Variants in NBAS observed in about 807,000 individuals in gnomAD.
NBAS encodes the protein NBAS subunit of NRZ tethering complex.
NBAS carries 219 observed loss-of-function variants against 302.5 expected under a neutral mutation model. That is an observed-to-expected ratio of 0.72 (90% CI 0.65 to 0.81). NBAS has a LOEUF of 0.81. NBAS is among the 30% of genes least tolerant of loss of function. The pLI, the probability that NBAS is intolerant of heterozygous loss-of-function variation, is 0.00. For synonymous variants in NBAS, 1,118 were observed against 1,021.6 expected, an observed-to-expected ratio of 1.09 and a Z score of -1.80; for missense variants, 2,932 against 2,841.6, an observed-to-expected ratio of 1.03 and a Z score of -0.72.
chr2:15,258,025 AAT>A (rs1271049120), intron 44 of NBAS, among the ~76,000 whole-genome samples: 1 of 152,194 alleles, frequency 6.6e-6, no homozygotes, highest in Non-Finnish European at 1.5e-5. Context: ...TTTTATATTT[AAT>A]AGTTATTTAT....
At chr2:15,166,863 C>T, downstream of NBAS, 1 of 643,724 alleles carries the variant, frequency 1.6e-6, no homozygotes, top group Non-Finnish European at 2.4e-6. Flanking sequence ...AAAATATGTT[C>T]ACCACTCAGT....
the NBAS span, among the ~76,000 whole-genome samples, chr2:14,897,841 G>T: frequency 6.6e-6 from 1 of 152,126 alleles, no homozygotes; most frequent in Non-Finnish European, 1.5e-5. Context: ...TGGAAGTGAG[G>T]AGGAACTGTC....
At chr2:15,163,313 T>C (rs573809346), downstream of NBAS, among the ~76,000 whole-genome samples, 1 of 151,514 alleles carries the variant, frequency 6.6e-6, no homozygotes, top group Admixed American at 6.6e-5. Context: ...GAGAAGGGGG[T>C]CATATTTGGA....
the NBAS span, among the ~76,000 whole-genome samples, chr2:15,098,473 AAT>A: frequency 1.3e-4 from 10 of 78,000 alleles, no homozygotes; most frequent in Admixed American, 3.1e-4. Context: ...TATTGTATAT[AAT>A]ATGTTATATA....
At position 15,405,619 on chromosome 2, in the gene NBAS, G is replaced by T. The variant is rs963480945; in HGVS notation, c.2938-3318C>A. On this transcript the variant is annotated intron_variant, in intron 25 of 51. Coordinates refer to ENST00000281513, the MANE Select transcript of NBAS (RefSeq NM_015909.4). The stretch of plus-strand genomic sequence containing the variant: ...CTGCATAGCAAGGTAAAATGCAAAA[G>T]AATAATAATTTCTAAAAACTCTTAA... Among the ~76,000 whole-genome samples the T allele has an allele frequency of 4.6e-5, 7 of 152,064 alleles. No individual in the cohort carries two copies. In the South Asian group the frequency reaches 6.2e-4, roughly 14 times the overall value.
intron 5 of NBAS, 53 bp from the exon 6 acceptor site, chr2:15,551,589 C>G: frequency 7.5e-7 from 1 of 1,328,356 alleles, no homozygotes; most frequent in Non-Finnish European, 1.1e-6. Flanking sequence ...CTGTATAGAA[C>G]CATAAAATAC....
At chr2:14,844,245 C>T in the NBAS span, among the ~76,000 whole-genome samples, 10 of 152,058 alleles carry the variant, frequency 6.6e-5, no homozygotes, top group South Asian at 2.1e-4. Context: ...TCAGAGTCAT[C>T]GTGAGGGCCC....
chr2:15,474,148 C>T lies in NBAS; in HGVS notation c.1518G>A (p.Arg506=). The T allele has an allele frequency of 6.2e-7, 1 of 1,614,108 alleles. No individual in the cohort carries two copies. Among genetic ancestry groups the T allele is most frequent in the Non-Finnish European group, 8.5e-7 (1 of 1,180,020 alleles). ...TTTTAGTAATGGTTCGTGGGCGTTT[C>T]CGTGGTGGTGCAAATCGCTCCATTT... is the stretch of plus-strand genomic sequence containing the variant. ...VTEMERFAPP[R]KRPRTITKNY... is the part of the protein sequence containing the mutation. The change falls in exon 15 of 52, where the codon CGG becomes CGA. Residue 506 remains arginine, a synonymous_variant. Transcript: ENST00000281513.
chr2:15,371,037 C>T (rs1427275810), intron 31 of NBAS, among the ~76,000 whole-genome samples: 1 of 152,090 alleles, frequency 6.6e-6, no homozygotes, highest in African/African-American at 2.4e-5. Flanking sequence ...ATTGCAATCC[C>T]CAGGTGTTGA....
chr2:15,177,331 T>C (rs1664594313), intron 51 of NBAS, among the ~76,000 whole-genome samples: 1 of 152,230 alleles, frequency 6.6e-6, no homozygotes, highest in South Asian at 2.1e-4. Flanking sequence ...TTTAGTCATT[T>C]AGTTTCTTAT....
At chr2:14,873,676 T>G in the NBAS span, among the ~76,000 whole-genome samples, 2 of 144,558 alleles carry the variant, frequency 1.4e-5, no homozygotes, top group East Asian at 3.9e-4. Context: ...GGAAGATTCC[T>G]TGATGTTTTC....
chr2:15,485,846 G>C (rs963621544), intron 12 of NBAS, among the ~76,000 whole-genome samples: 4 of 152,086 alleles, frequency 2.6e-5, no homozygotes, highest in African/African-American at 7.2e-5. Context: ...ATGATGATCA[G>C]ACTGCAGGAG....
chr2:14,847,868 G>T, the NBAS span, among the ~76,000 whole-genome samples: 2 of 152,098 alleles, frequency 1.3e-5, no homozygotes, highest in African/African-American at 4.8e-5. Flanking sequence ...TCAAGGACAG[G>T]CCATATGTTA....
chr2:15,551,531 G>C lies in NBAS; in HGVS notation c.341C>G (p.Ala114Gly). 1 of 1,608,448 alleles carries C rather than the reference G, an allele frequency of 6.2e-7. No individual in the cohort carries two copies. The highest frequency in any genetic ancestry group is 8.5e-7 in the Non-Finnish European group (1 of 1,176,606). The change falls in exon 6 of 52, where the codon GCA becomes GGA. Residue 114 changes from alanine to glycine, a missense_variant. Ala to Gly is a moderately conservative substitution (Grantham distance 60). Transcript: ENST00000281513. Reference sequence around the variant, plus strand: ...AATAATGGATGTAAAATCATCTTTTGCAGACCTGTAAAACATGCAAAATCA... The same window carrying C: ...AATAATGGATGTAAAATCATCTTTTCCAGACCTGTAAAACATGCAAAATCA... ...VQDQCVEIRS[A>G]KDDFTSIIGK...
chr2:15,383,100 A>G, intron 29 of NBAS, 115 bp downstream of exon 29: 1 of 848,850 alleles, frequency 1.2e-6, no homozygotes. Context: ...GTTATTAGCT[A>G]TTATTAAATA....
chr2:15,411,615 A>G (rs1289477196), intron 25 of NBAS, among the ~76,000 whole-genome samples: 1 of 152,220 alleles, frequency 6.6e-6, no homozygotes, highest in Non-Finnish European at 1.5e-5. Flanking sequence ...GCTCACTGAC[A>G]TATGTAATCA....
chr2:14,798,589 C>T, the NBAS span, among the ~76,000 whole-genome samples: 1 of 152,080 alleles, frequency 6.6e-6, no homozygotes, highest in Non-Finnish European at 1.5e-5. Context: ...GCTGGCCTTA[C>T]AGAAAGAGTT....
chr2:15,439,276 T>C (rs1678207406), intron 21 of NBAS, among the ~76,000 whole-genome samples: 1 of 141,746 alleles, frequency 7.1e-6, no homozygotes, highest in Non-Finnish European at 1.5e-5. Context: ...CACTCCGACC[T>C]GGGCCAAAGA....
the NBAS span, among the ~76,000 whole-genome samples, chr2:15,116,805 A>G: frequency 7.9e-5 from 12 of 152,346 alleles, no homozygotes; most frequent in African/African-American, 2.9e-4. Flanking sequence ...AAAAGATGCA[A>G]TTAAAACAGT....
Sources: gnomAD v4.1 joint callset for allele counts (sites outside exome capture counted in the v4.1 genomes callset) on GRCh38, gnomAD v4.1.1 for gene constraint, MANE v1.5 for transcripts, NCBI Gene and HGNC (gene_info 2026-07-23, HGNC 2026-07-21) for gene names.